The following CYP2C19 variants were observed in gnomAD, a reference collection of about 807,000 sequenced individuals.
CYP2C19 encodes the protein cytochrome P450 family 2 subfamily C member 19, also known as cytochrome P450 2C19.
CYP2C19 carries 59 observed loss-of-function variants against 40.9 expected under a neutral mutation model. That is an observed-to-expected ratio of 1.44 (90% CI 1.17 to 1.79). The LOEUF (loss-of-function observed/expected upper bound fraction) is 1.79, where lower values mean the gene tolerates loss of function less well. Ranked by LOEUF, CYP2C19 falls within the 40% of genes most tolerant of loss-of-function variation. CYP2C19 has a pLI of 0.00. For missense variants in CYP2C19, 754 were observed against 596.9 expected, an observed-to-expected ratio of 1.26 and a Z score of -2.74; for synonymous variants, 253 against 208.7, an observed-to-expected ratio of 1.21 and a Z score of -1.83.
intron 7 of CYP2C19, among the ~76,000 whole-genome samples, chr10:94,847,788 T>TA (rs1849595607): frequency 6.6e-6 from 1 of 152,226 alleles, no homozygotes; most frequent in Non-Finnish European, 1.5e-5. Flanking sequence ...TGTGAGATGG[T>TA]ATCTCATTGT....
intron 1 of CYP2C19, among the ~76,000 whole-genome samples, chr10:94,773,403 T>A (rs1564660469): frequency 2.0e-5 from 3 of 152,188 alleles, no homozygotes; most frequent in South Asian, 4.1e-4. Flanking sequence ...TCTTGCTGAC[T>A]TCAAGGGTGA....
At position 94,818,828 on chromosome 10, in the gene CYP2C19, G is replaced by A. The variant is rs527792026; in HGVS notation, c.820-1668G>A. Among the ~76,000 whole-genome samples, 1,109 of 151,410 alleles carry A rather than the reference G, an allele frequency of 7.3e-3. 6 individuals are homozygous for A. Among genetic ancestry groups the A allele is most frequent in the African/African-American group, 0.013 (529 of 41,244 alleles). On this transcript the variant is annotated intron_variant, in intron 5 of 8. Coordinates refer to ENST00000371321, the MANE Select transcript of CYP2C19 (RefSeq NM_000769.4). ...GGTTTTCTAGATAAACAATCATGTC[G>A]TCTGCAAACAGGGACAATTTGACTT... is the stretch of plus-strand genomic sequence containing the variant.
At chr10:94,784,147 T>TAGCATATGC (rs1267738051) in intron 5 of CYP2C19, among the ~76,000 whole-genome samples, 1 of 152,214 alleles carries the variant, frequency 6.6e-6, no homozygotes, top group Non-Finnish European at 1.5e-5. Flanking sequence ...AAAGAATTCA[T>TAGCATATGC]AGCATATGCA....
intron 6 of CYP2C19, among the ~76,000 whole-genome samples, chr10:94,834,896 C>T (rs1281697356): frequency 6.6e-6 from 1 of 152,128 alleles, no homozygotes; most frequent in Non-Finnish European, 1.5e-5. Flanking sequence ...TCTCTAAGTC[C>T]CCCATCTCAA....
rs769068984 is a variant in CYP2C19, at chr10:94,775,383, C to T, written c.332-7C>T. The T allele has an allele frequency of 1.2e-6, 2 of 1,613,900 alleles. No homozygotes were observed. The highest frequency in any genetic ancestry group is 1.7e-5 in the Admixed American group (1 of 60,016). ...CTCCCTCCTAGTTTCGTTTCTCTTC[C>T]TGTTAGGAATCGTTTTCAGCAATGG... On this transcript the variant is annotated splice_region_variant and splice_polypyrimidine_tract_variant and intron_variant, in intron 2 of 8. Transcript: ENST00000371321.
chr10:94,839,553 G>T (rs111912226), intron 6 of CYP2C19, among the ~76,000 whole-genome samples: 2 of 152,286 alleles, frequency 1.3e-5, no homozygotes, highest in Admixed American at 6.5e-5. Flanking sequence ...ACATGCATTC[G>T]CATAAACAAC....
At position 94,800,434 on chromosome 10, in the gene CYP2C19, T is replaced by C. The variant is rs547620366; in HGVS notation, c.819+18437T>C. On this transcript the variant is annotated intron_variant, in intron 5 of 8. Transcript: ENST00000371321. ...GACACCCACGTGTATGAGGTGTCTG[T>C]TGGCCCCTACTGGGAGTTGTCTCCC... 3.3e-5 allele frequency among the ~76,000 whole-genome samples: 5 copies of C among 152,334 alleles called. No homozygotes were observed. In the South Asian group the frequency reaches 8.3e-4, roughly 25 times the overall value.
intron 6 of CYP2C19, among the ~76,000 whole-genome samples, chr10:94,823,825 T>C (rs767704957): frequency 2.0e-5 from 3 of 152,188 alleles, no homozygotes; most frequent in Non-Finnish European, 2.9e-5. Context: ...TTCAAATGCC[T>C]GAAGCCTAGT....
chr10:94,824,475 G>T, intron 6 of CYP2C19, among the ~76,000 whole-genome samples: 1 of 152,126 alleles, frequency 6.6e-6, no homozygotes, highest in South Asian at 2.1e-4. Context: ...GAATACCATT[G>T]CAAATTGCAG....
chr10:94,849,310 G>A (rs1327850021), intron 7 of CYP2C19, among the ~76,000 whole-genome samples: 1 of 151,828 alleles, frequency 6.6e-6, no homozygotes, highest in Non-Finnish European at 1.5e-5. Flanking sequence ...AAATGTGGTT[G>A]TGGGCATTTT....
chr10:94,827,025 G>A (rs1395011980), intron 6 of CYP2C19, among the ~76,000 whole-genome samples: 3 of 152,102 alleles, frequency 2.0e-5, no homozygotes, highest in Non-Finnish European at 4.4e-5. Flanking sequence ...CTCGATCATG[G>A]TGGATAAGCT....
chr10:94,825,537 A>T (rs1368998379), intron 6 of CYP2C19, among the ~76,000 whole-genome samples: 1 of 134,594 alleles, frequency 7.4e-6, no homozygotes, highest in African/African-American at 2.8e-5. Flanking sequence ...GTTTGAGTTC[A>T]TTGTAGATTC....
intron 6 of CYP2C19, among the ~76,000 whole-genome samples, chr10:94,836,411 T>C (rs887559509): frequency 1.3e-5 from 2 of 152,222 alleles, no homozygotes; most frequent in African/African-American, 4.8e-5. Context: ...TTCTGTGTTA[T>C]ATAAAGAAAA....
chr10:94,784,818 G>C (rs1848520543), intron 5 of CYP2C19, among the ~76,000 whole-genome samples: 1 of 152,000 alleles, frequency 6.6e-6, no homozygotes. Context: ...TCGAACTCTT[G>C]ACCTCAGGTG....
chr10:94,800,113 C>T (rs1428953662), intron 5 of CYP2C19, among the ~76,000 whole-genome samples: 1 of 152,166 alleles, frequency 6.6e-6, no homozygotes, highest in Non-Finnish European at 1.5e-5. Flanking sequence ...AGCTTTTCTG[C>T]TCTGGTCTCT....
At chr10:94,820,959 C>G (rs773045538) in intron 6 of CYP2C19, among the ~76,000 whole-genome samples, 1 of 152,140 alleles carries the variant, frequency 6.6e-6, no homozygotes, top group Non-Finnish European at 1.5e-5. Flanking sequence ...TGGCACACCA[C>G]TGTAATCCCA....
rs1199213627 is a variant in CYP2C19 at position 94,853,703 on chromosome 10, G to A, written c.*789G>A. ...TGGGATTACAGACACGTGCCACCAT[G>A]CCTGGCTAATTTTTTTGTATTTTTA... On this transcript the variant is annotated 3_prime_UTR_variant, in exon 9 of 9. Coordinates refer to ENST00000371321, the MANE Select transcript of CYP2C19 (RefSeq NM_000769.4). Among the ~76,000 whole-genome samples, 4 of 151,560 alleles carry A rather than the reference G, an allele frequency of 2.6e-5. No homozygotes were observed. Among genetic ancestry groups the A allele is most frequent in the Non-Finnish European group, 5.9e-5 (4 of 67,888 alleles).
In CYP2C19 at chr10:94,780,553, G is replaced by T. The variant is rs1019684880; in HGVS notation, c.536G>T (p.Cys179Phe). 2 of 1,613,746 alleles carry T rather than the reference G, an allele frequency of 1.2e-6. No individual in the cohort carries two copies. Among genetic ancestry groups the T allele is most frequent in the African/African-American group, 2.7e-5 (2 of 74,878 alleles). ...ILGCAPCNVI[C>F]SIIFQKRFDY... is the part of the protein sequence containing the mutation. Reference sequence around the variant, plus strand: ...GGCTGTGCTCCCTGCAATGTGATCTGCTCCATTATTTTCCAGAAACGTTTC... The same window carrying T: ...GGCTGTGCTCCCTGCAATGTGATCTTCTCCATTATTTTCCAGAAACGTTTC... The change falls in exon 4 of 9, where the codon TGC becomes TTC. Residue 179 changes from cysteine to phenylalanine, a missense_variant. By Grantham distance (205) the Cys-to-Phe change is radical. Coordinates refer to ENST00000371321, the MANE Select transcript of CYP2C19 (RefSeq NM_000769.4).
At chr10:94,845,190 C>T (rs542282290) in intron 7 of CYP2C19, among the ~76,000 whole-genome samples, 30 of 152,262 alleles carry the variant, frequency 2.0e-4, no homozygotes, top group Admixed American at 1.2e-3. Context: ...GCAAACTGTT[C>T]CTGTAATGGG....
Sources: allele counts gnomAD v4.1 joint callset (sites outside exome capture counted in the v4.1 genomes callset), GRCh38; gene constraint gnomAD v4.1.1; transcripts MANE v1.5; gene names NCBI Gene and HGNC (gene_info 2026-07-23, HGNC 2026-07-21).